The following CHLSN variants were observed in gnomAD, a reference collection of about 807,000 sequenced individuals.
CHLSN encodes the protein protein cholesin.
At chr7:999,331 G>A in the CHLSN span, among the ~76,000 whole-genome samples, 3 of 152,256 alleles carry the variant, frequency 2.0e-5, no homozygotes, top group Non-Finnish European at 2.9e-5. Flanking sequence ...TGCGCCGGGC[G>A]TGAGGGTTTC....
At chr7:1,047,012 ACT>A in the CHLSN span, among the ~76,000 whole-genome samples, 2 of 151,316 alleles carry the variant, frequency 1.3e-5, no homozygotes, top group East Asian at 1.9e-4. Context: ...TGCAGTAGAG[ACT>A]CTCTGTTCTT....
At chr7:1,106,057 C>G in the CHLSN span, among the ~76,000 whole-genome samples, 1 of 152,124 alleles carries the variant, frequency 6.6e-6, no homozygotes, top group Non-Finnish European at 1.5e-5. Context: ...GATTTCGATG[C>G]TGTTTATTTA....
chr7:1,071,346 C>A, the CHLSN span, among the ~76,000 whole-genome samples: 1 of 152,154 alleles, frequency 6.6e-6, no homozygotes. Context: ...AGTGGTGAAA[C>A]CGGAAGGTGC....
the CHLSN span, chr7:988,375 T>G: frequency 6.2e-7 from 1 of 1,612,662 alleles, no homozygotes; most frequent in Non-Finnish European, 8.5e-7. Flanking sequence ...TGGACGCGAA[T>G]GGGCACTTTG....
At chr7:1,107,971 C>T in the CHLSN span, among the ~76,000 whole-genome samples, 6 of 126,218 alleles carry the variant, frequency 4.8e-5, no homozygotes, top group South Asian at 2.6e-4. Context: ...GGCTGTGTCC[C>T]GCACTGGAGA....
At chr7:1,079,099 C>A in the CHLSN span, among the ~76,000 whole-genome samples, 1 of 152,128 alleles carries the variant, frequency 6.6e-6, no homozygotes, top group East Asian at 1.9e-4. Context: ...GGCAGCGAGG[C>A]CTTTGGAGAG....
At chr7:979,408 T>C in the CHLSN span, among the ~76,000 whole-genome samples, 1 of 152,094 alleles carries the variant, frequency 6.6e-6, no homozygotes, top group East Asian at 1.9e-4. Context: ...CGTTATCTTA[T>C]GTGCAGGAGG....
At chr7:1,042,714 G>T in the CHLSN span, among the ~76,000 whole-genome samples, 1 of 152,118 alleles carries the variant, frequency 6.6e-6, no homozygotes, top group Admixed American at 6.6e-5. Flanking sequence ...CACCCCTGTG[G>T]GTAGGACCCA....
the CHLSN span, among the ~76,000 whole-genome samples, chr7:1,070,321 C>G: frequency 7.0e-6 from 1 of 142,852 alleles, no homozygotes; most frequent in South Asian, 2.3e-4. Context: ...GGTCAGCCCC[C>G]CGCCTGGCCA....
chr7:1,034,834 TC>T, the CHLSN span, among the ~76,000 whole-genome samples: 1 of 150,546 alleles, frequency 6.6e-6, no homozygotes, highest in Non-Finnish European at 1.5e-5. Context: ...TGTCTGTTGT[TC>T]CCTTCTTTGT....
the CHLSN span, chr7:1,138,204 C>T: frequency 2.0e-4 from 11 of 55,518 alleles, no homozygotes; most frequent in African/African-American, 1.4e-3. Flanking sequence ...CCCACCTGCG[C>T]CCACGTCGCC....
chr7:1,038,943 C>T, the CHLSN span, among the ~76,000 whole-genome samples: 10 of 71,366 alleles, frequency 1.4e-4, 1 homozygote, highest in African/African-American at 2.9e-4. Flanking sequence ...CGCCTCTGCC[C>T]GGCCGCCCCT....
chr7:983,074 T>C, the CHLSN span: 1 of 694,672 alleles, frequency 1.4e-6, no homozygotes. Flanking sequence ...CGCTGGGGGC[T>C]GCCCTGCAAA....
the CHLSN span, among the ~76,000 whole-genome samples, chr7:1,013,338 G>C: frequency 1.3e-5 from 2 of 152,248 alleles, no homozygotes; most frequent in Non-Finnish European, 2.9e-5. Context: ...TGCCCCAAGG[G>C]CTTGTAAATT....
chr7:1,109,824 G>A, the CHLSN span, among the ~76,000 whole-genome samples: 1 of 152,140 alleles, frequency 6.6e-6, no homozygotes, highest in African/African-American at 2.4e-5. Context: ...TCGGCGCCAC[G>A]GGTGACTTTC....
chr7:1,081,229 G>A, the CHLSN span, among the ~76,000 whole-genome samples: 1 of 152,226 alleles, frequency 6.6e-6, no homozygotes, highest in Admixed American at 6.5e-5. Context: ...TAGGCCGGGT[G>A]GGGGTGAGCT....
the CHLSN span, among the ~76,000 whole-genome samples, chr7:1,127,994 C>G: frequency 3.1e-5 from 1 of 31,922 alleles, no homozygotes; most frequent in South Asian, 7.7e-4. Flanking sequence ...CGGCTCATCC[C>G]ACCGTCACCC....
chr7:1,131,832 T>C, the CHLSN span, among the ~76,000 whole-genome samples: 6 of 152,246 alleles, frequency 3.9e-5, no homozygotes, highest in African/African-American at 1.2e-4. Context: ...TTCCATATTA[T>C]GGAAAGGTTC....
the CHLSN span, chr7:1,024,487 G>A: frequency 6.6e-6 from 1 of 152,258 alleles, no homozygotes; most frequent in African/African-American, 2.4e-5. Context: ...GGTGCCTTTG[G>A]TGGCCAGTGC....
Sources: gnomAD v4.1 joint callset for allele counts (sites outside exome capture counted in the v4.1 genomes callset) on GRCh38, gnomAD v4.1.1 for gene constraint, MANE v1.5 for transcripts, NCBI Gene and HGNC (gene_info 2026-07-23, HGNC 2026-07-21) for gene names.